ZFPM2: variants seen among roughly 807,000 people sequenced by gnomAD.
ZFPM2 encodes zinc finger protein, FOG family member 2, also known as zinc finger protein ZFPM2.
A neutral mutation model predicts 98.6 loss-of-function variants in ZFPM2; 20 were observed. The observed-to-expected ratio is 0.20, with a 90% confidence interval of 0.14 to 0.29. The LOEUF is 0.29. ZFPM2 is among the 10% of genes least tolerant of loss of function. The probability of loss-of-function intolerance (pLI) is 1.00; values close to 1 mark genes in which losing one functional copy is unlikely to be tolerated. For missense variants in ZFPM2, 1,310 were observed against 1,388.6 expected (o/e 0.94, Z 0.90); for synonymous variants, 518 against 502.7 (o/e 1.03, Z -0.41).
chr8:105,352,881 C>A (rs1812675238), intron 1 of ZFPM2, among the ~76,000 whole-genome samples: 1 of 152,090 alleles, frequency 6.6e-6, no homozygotes, highest in Non-Finnish European at 1.5e-5. Context: ...ACCTACCTAC[C>A]TACCTATTCG....
chr8:105,676,534 G>A (rs1240876613), intron 5 of ZFPM2, among the ~76,000 whole-genome samples: 3 of 151,808 alleles, frequency 2.0e-5, no homozygotes, highest in Admixed American at 6.6e-5. Flanking sequence ...CTGTTTCAGC[G>A]TCAGCATTCT....
rs564206916 is a variant in ZFPM2 at position 105,596,841 on chromosome 8, A to C, written c.420+35360A>C. ...CTGGAACTCTATCTCTAAAACTTCAATTAAGCAAGGTAGTATCTGTGGTGA... is the reference window on the plus strand; with the variant it reads ...CTGGAACTCTATCTCTAAAACTTCACTTAAGCAAGGTAGTATCTGTGGTGA... On this transcript the variant is annotated intron_variant, in intron 4 of 7. Coordinates refer to ENST00000407775, the MANE Select transcript of ZFPM2 (RefSeq NM_012082.4). Among the ~76,000 whole-genome samples, 4 of 150,262 alleles carry C rather than the reference A, an allele frequency of 2.7e-5. No individual in the cohort carries two copies. The South Asian group carries it at 8.5e-4, about 32-fold the overall frequency.
intron 5 of ZFPM2, among the ~76,000 whole-genome samples, chr8:105,661,896 G>A (rs150246203): frequency 6.6e-5 from 10 of 152,124 alleles, no homozygotes; most frequent in African/African-American, 2.2e-4. Context: ...TGGGAGTAGC[G>A]CTGCAAGGTA....
At chr8:105,613,243 T>C (rs1324432582) in intron 4 of ZFPM2, among the ~76,000 whole-genome samples, 4 of 151,904 alleles carry the variant, frequency 2.6e-5, no homozygotes, top group Non-Finnish European at 4.4e-5. Context: ...GAGCACACCA[T>C]GGTGAAAAGG....
At position 105,441,498 on chromosome 8, in the gene ZFPM2, G is replaced by A. The variant is rs868443173; in HGVS notation, c.200-2782G>A. Among the ~76,000 whole-genome samples the A allele has an allele frequency of 9.4e-4, 100 of 105,958 alleles. 2 individuals are homozygous for A. The highest frequency in any genetic ancestry group is 5.2e-3 in the Middle Eastern group (1 of 192). 69.5% of individuals were successfully genotyped at this position (105,958 alleles called of 152,430 possible). On this transcript the variant is annotated intron_variant, in intron 2 of 7. Coordinates refer to ENST00000407775, the MANE Select transcript of ZFPM2 (RefSeq NM_012082.4). ...AGAAAGAAAGAAAGAAAGAAAGAAA[G>A]AAATCAAAGCCCAGGGGCGCCCCGG... is the stretch of plus-strand genomic sequence containing the variant.
At chr8:105,421,716 TG>T (rs1811796020) in intron 2 of ZFPM2, among the ~76,000 whole-genome samples, 1 of 152,170 alleles carries the variant, frequency 6.6e-6, no homozygotes, top group African/African-American at 2.4e-5. Flanking sequence ...CGCATAATTA[TG>T]TTTTATTGCC....
chr8:105,663,624 A>G (rs1817433965), intron 5 of ZFPM2, among the ~76,000 whole-genome samples: 1 of 152,184 alleles, frequency 6.6e-6, no homozygotes, highest in African/African-American at 2.4e-5. Flanking sequence ...TGCACTTCTC[A>G]AAGGACATTT....
rs1816062240 is a variant in ZFPM2 at position 105,600,190 on chromosome 8, G to A, written c.421-34056G>A. Among the ~76,000 whole-genome samples, 8 of 152,160 alleles carry A rather than the reference G, an allele frequency of 5.3e-5. No homozygotes were observed. In the South Asian group the frequency reaches 1.7e-3, roughly 32 times the overall value. ...TTTAGTCTACAGTGTGAAGACAGAT[G>A]TTCCTAAAACACAAAGTTGTACTTG... On this transcript the variant is annotated intron_variant, in intron 4 of 7. Coordinates refer to ENST00000407775, the MANE Select transcript of ZFPM2 (RefSeq NM_012082.4).
intron 5 of ZFPM2, among the ~76,000 whole-genome samples, chr8:105,687,599 G>A (rs1237336929): frequency 6.6e-6 from 1 of 152,074 alleles, no homozygotes; most frequent in African/African-American, 2.4e-5. Flanking sequence ...ACAATTATGT[G>A]TGTAACTGAT....
intron 5 of ZFPM2, among the ~76,000 whole-genome samples, chr8:105,714,070 T>C (rs1811463355): frequency 6.6e-6 from 1 of 152,138 alleles, no homozygotes; most frequent in Non-Finnish European, 1.5e-5. Context: ...TTTGATGATA[T>C]TGATTCTTCC....
At chr8:105,466,774 C>T (rs1389031477) in intron 3 of ZFPM2, among the ~76,000 whole-genome samples, 1 of 151,552 alleles carries the variant, frequency 6.6e-6, no homozygotes, top group Non-Finnish European at 1.5e-5. Flanking sequence ...AATTGCCTTA[C>T]ATTTTTTTTT....
At chr8:105,534,208 CT>C (rs1814391551) in intron 3 of ZFPM2, among the ~76,000 whole-genome samples, 1 of 64,006 alleles carries the variant, frequency 1.6e-5, no homozygotes, top group African/African-American at 8.2e-5. Context: ...TCCCTCCCTT[CT>C]TCCTTCTTTT....
At chr8:105,415,810 GT>G (rs1220721239) in intron 1 of ZFPM2, among the ~76,000 whole-genome samples, 2 of 152,042 alleles carry the variant, frequency 1.3e-5, no homozygotes, top group African/African-American at 2.4e-5. Flanking sequence ...TAAAGAAATG[GT>G]TAGTTATTTC....
At chr8:105,697,491 A>G (rs1811047981) in intron 5 of ZFPM2, among the ~76,000 whole-genome samples, 2 of 152,312 alleles carry the variant, frequency 1.3e-5, no homozygotes, top group African/African-American at 2.4e-5. Flanking sequence ...TTCAATTGCT[A>G]TGAGGAGCAA....
At chr8:105,513,442 A>G (rs1250042787) in intron 3 of ZFPM2, among the ~76,000 whole-genome samples, 1 of 152,170 alleles carries the variant, frequency 6.6e-6, no homozygotes, top group Non-Finnish European at 1.5e-5. Flanking sequence ...ATGGGGGAAA[A>G]GTCCCTTTCT....
intron 3 of ZFPM2, among the ~76,000 whole-genome samples, chr8:105,457,524 C>A (rs1812615707): frequency 6.6e-6 from 1 of 152,150 alleles, no homozygotes; most frequent in Admixed American, 6.5e-5. Context: ...CACATGGCTG[C>A]AGGTACAGTG....
At chr8:105,339,664 A>G (rs2129655986) in intron 1 of ZFPM2, among the ~76,000 whole-genome samples, 1 of 152,006 alleles carries the variant, frequency 6.6e-6, no homozygotes, top group Middle Eastern at 3.4e-3. Flanking sequence ...TCATGCTAGT[A>G]GTTAGATCAG....
intron 1 of ZFPM2, among the ~76,000 whole-genome samples, chr8:105,417,308 A>G (rs886532417): frequency 5.9e-5 from 9 of 152,182 alleles, no homozygotes; most frequent in Non-Finnish European, 1.2e-4. Context: ...TTTAAAGATC[A>G]TGTAAGAAAG....
chr8:105,793,036 T>A (rs1347962943), intron 6 of ZFPM2, among the ~76,000 whole-genome samples: 1 of 149,522 alleles, frequency 6.7e-6, no homozygotes, highest in African/African-American at 2.6e-5. Flanking sequence ...TGACTCTTTA[T>A]CCAATTTGCC....
Sources: gnomAD v4.1 joint callset for allele counts (sites outside exome capture counted in the v4.1 genomes callset) on GRCh38, gnomAD v4.1.1 for gene constraint, MANE v1.5 for transcripts, NCBI Gene and HGNC (gene_info 2026-07-23, HGNC 2026-07-21) for gene names.